Variants in HSPA9 observed in about 807,000 individuals in gnomAD.
HSPA9 encodes the protein stress-70 protein, mitochondrial.
Under a neutral mutation model 81.5 loss-of-function variants are expected in HSPA9, and 28 were observed. That is an observed-to-expected ratio of 0.34 (90% CI 0.25 to 0.47). The LOEUF (loss-of-function observed/expected upper bound fraction) is 0.47. Among genes scored for constraint, HSPA9 ranks in the 20% least tolerant of loss-of-function variants. The pLI, the probability that HSPA9 is intolerant of heterozygous loss-of-function variation, is 1.00. For missense variants in HSPA9, 678 were observed against 838.0 expected (o/e 0.81, Z 2.36); for synonymous variants, 293 against 290.4 (o/e 1.01, Z -0.09).
chr5:138,567,069 T>A lies in HSPA9; in HGVS notation c.811A>T (p.Thr271Ser). The A allele has an allele frequency of 6.2e-7, 1 of 1,613,886 alleles. No homozygotes were observed. Among genetic ancestry groups the A allele is most frequent in the Non-Finnish European group, 8.5e-7 (1 of 1,179,914 alleles). Residue 271 changes from threonine (T) to serine (S), a missense_variant, in exon 8 of 17, where the codon ACC becomes TCC. This residue lies in a region of HSPA9 where 484 missense variants were observed against 647.5 expected (regional missense o/e 0.75). Coordinates refer to ENST00000297185, the MANE Select transcript of HSPA9 (RefSeq NM_004134.7). ...TCAAAGTCTTCCCCACCTAAGAAGG[T>A]ATCCCCATTTGTGGATTTCACCTCA... ...VFEVKSTNGD[T>S]FLGGEDFDQA...
intron 3 of HSPA9, among the ~76,000 whole-genome samples, chr5:138,572,709 T>A: frequency 6.6e-6 from 1 of 152,212 alleles, no homozygotes; most frequent in Middle Eastern, 3.2e-3. Flanking sequence ...ATGGTCTTCT[T>A]ATCCCACTTG....
Position 138,574,112 on chromosome 5 carries a change from G to A in HSPA9, c.96C>T (p.Gly32=). 3 of 1,613,550 alleles carry A rather than the reference G, an allele frequency of 1.9e-6. No homozygotes were observed. The highest frequency in any genetic ancestry group is 1.7e-6 in the Non-Finnish European group (2 of 1,179,574). ...CAAGTCTAAAAGCCTCATGACTAAGGCCATTCCAGCTATCCTAAAAAAGAA... is the reference window on the plus strand; with the variant it reads ...CAAGTCTAAAAGCCTCATGACTAAGACCATTCCAGCTATCCTAAAAAAGAA... The part of the protein sequence containing the change: ...TAARHQDSWN[G]LSHEAFRLVS... Residue 32 remains glycine, a synonymous_variant, in exon 2 of 17, where the codon GGC becomes GGT. Transcript: ENST00000297185.
chr5:138,559,571 A>C, intron 11 of HSPA9: 1 of 388,964 alleles, frequency 2.6e-6, no homozygotes, highest in East Asian at 6.1e-5. Context: ...CAGGAAATTC[A>C]GTCTCAAATG....
chr5:138,560,906 T>C, intron 10 of HSPA9: 1 of 380,370 alleles, frequency 2.6e-6, no homozygotes. Context: ...TTTTCCAGGT[T>C]CATTTTTTTT....
chr5:138,560,285 T>C (rs1278578129), intron 10 of HSPA9, among the ~76,000 whole-genome samples, 194 bp from the exon 11 acceptor site: 1 of 152,228 alleles, frequency 6.6e-6, no homozygotes, highest in African/African-American at 2.4e-5. Context: ...ACTTTATACC[T>C]ATAGAAGTAT....
intron 11 of HSPA9, chr5:138,559,101 A>AAT (rs1245810329): frequency 1.8e-4 from 35 of 195,648 alleles, no homozygotes; most frequent in Admixed American, 1.0e-3. Context: ...GTCAGGAAAT[A>AAT]ATTTTTTTTT....
In HSPA9 at chr5:138,554,448, A is replaced by C. The variant is rs1452901824; in HGVS notation, c.*1589T>G. ...TCATAATCCTACAATGTTCCCATTG[A>C]GTGTTCATGTGGTTGGAAACCTGAG... On this transcript the variant is annotated 3_prime_UTR_variant, in exon 17 of 17. Coordinates refer to ENST00000297185, the MANE Select transcript of HSPA9 (RefSeq NM_004134.7). Among the ~76,000 whole-genome samples the C allele has an allele frequency of 1.3e-5, 2 of 152,228 alleles. No homozygotes were observed. The highest frequency in any genetic ancestry group is 1.3e-4 in the Admixed American group (2 of 15,282).
At chr5:138,570,667 T>G (rs1305062086) in intron 4 of HSPA9, 1 of 364,646 alleles carries the variant, frequency 2.7e-6, no homozygotes, top group Non-Finnish European at 5.3e-6. Flanking sequence ...TGTATTTTAG[T>G]AGAGACAGGG....
chr5:138,561,858 T>A, intron 9 of HSPA9, 69 bp from the exon 10 acceptor site: 1 of 1,211,618 alleles, frequency 8.3e-7, no homozygotes, highest in Non-Finnish European at 1.2e-6. Flanking sequence ...TTATTTCAAC[T>A]AAAATATGAC....
intron 9 of HSPA9, among the ~76,000 whole-genome samples, chr5:138,562,196 C>G (rs987530606): frequency 5.3e-5 from 8 of 151,030 alleles, no homozygotes; most frequent in African/African-American, 1.9e-4. Flanking sequence ...CTCAGCCTCC[C>G]AAAGTGCTGG....
At chr5:138,568,378 G>A (rs1441500609) in intron 5 of HSPA9, among the ~76,000 whole-genome samples, 1 of 151,318 alleles carries the variant, frequency 6.6e-6, no homozygotes, top group East Asian at 2.0e-4. Context: ...GCGCATGCCT[G>A]TAATCCCAGC....
At chr5:138,572,900 C>CTTT (rs539598546) in intron 3 of HSPA9, among the ~76,000 whole-genome samples, 1 of 145,252 alleles carries the variant, frequency 6.9e-6, no homozygotes, top group Non-Finnish European at 1.5e-5. Flanking sequence ...ATAGTCTCTT[C>CTTT]TTTTTTTTTT....
chr5:138,567,830 T>C, intron 5 of HSPA9, 108 bp from the exon 6 acceptor site: 1 of 814,454 alleles, frequency 1.2e-6, no homozygotes, highest in Non-Finnish European at 2.1e-6. Flanking sequence ...TTCTTCAGTC[T>C]TTTGGTAAGT....
intron 3 of HSPA9, 92 bp downstream of exon 3, chr5:138,573,666 AAAGCG>A: frequency 4.9e-6 from 3 of 607,784 alleles, no homozygotes; most frequent in Non-Finnish European, 8.4e-6. Flanking sequence ...AAAAAAAAAA[AAAGCG>A]CAAATCAGGT....
At chr5:138,567,185 A>G (rs1561860074) in intron 7 of HSPA9, 22 bp from the exon 8 acceptor site, 1 of 1,590,292 alleles carries the variant, frequency 6.3e-7, no homozygotes, top group Admixed American at 1.7e-5. Flanking sequence ...TTGTGAAAAA[A>G]AAAAGAAAAG....
chr5:138,558,978 G>A (rs1750593102), intron 11 of HSPA9: 1 of 304,338 alleles, frequency 3.3e-6, no homozygotes, highest in Non-Finnish European at 6.4e-6. Flanking sequence ...ATCATGCTCA[G>A]TCACAGAAAG....
intron 5 of HSPA9, among the ~76,000 whole-genome samples, chr5:138,568,703 C>T (rs759665668): frequency 1.4e-4 from 22 of 151,890 alleles, no homozygotes; most frequent in Non-Finnish European, 2.8e-4. Context: ...AACATTACCC[C>T]CTACTGGAAA....
At chr5:138,568,116 C>T (rs1326720393) in intron 5 of HSPA9, among the ~76,000 whole-genome samples, 2 of 151,630 alleles carry the variant, frequency 1.3e-5, no homozygotes, top group African/African-American at 2.4e-5. Flanking sequence ...ACCTGGGAGG[C>T]GGAGGTTGCA....
At chr5:138,570,791 AATT>A (rs999544148) in intron 4 of HSPA9, 166 bp downstream of exon 4, 87 of 683,750 alleles carry the variant, frequency 1.3e-4, no homozygotes, top group African/African-American at 1.3e-3. Flanking sequence ...GCCAAAAATG[AATT>A]TTTTAAAGGG....
Sources: gnomAD v4.1 joint callset for allele counts (sites outside exome capture counted in the v4.1 genomes callset) on GRCh38, gnomAD v4.1.1 for gene constraint, gnomAD v4.1.1 regional missense constraint, MANE v1.5 for transcripts, NCBI Gene and HGNC (gene_info 2026-07-23, HGNC 2026-07-21) for gene names.